Variants in NUP205 observed in about 807,000 individuals in gnomAD.
NUP205 encodes nucleoporin 205.
Under a neutral mutation model 253.8 loss-of-function variants are expected in NUP205, and 76 were observed. The observed-to-expected ratio is 0.30, with a 90% CI of 0.25 to 0.36. The LOEUF (loss-of-function observed/expected upper bound fraction) is 0.36. NUP205 is among the 10% of genes least tolerant of loss of function. The probability of loss-of-function intolerance (pLI) is 1.00; values close to 1 mark genes in which losing one functional copy is unlikely to be tolerated. For missense variants in NUP205, 2,162 were observed against 2,425.5 expected (o/e 0.89, Z 2.28); for synonymous variants, 832 against 850.1 (o/e 0.98, Z 0.37).
chr7:135,645,838 TAGG>T, intron 41 of NUP205: 2 of 576,424 alleles, frequency 3.5e-6, no homozygotes, highest in East Asian at 5.7e-5. Flanking sequence ...TTGCTGCAGT[TAGG>T]GGGCTGATCC....
chr7:135,558,990 A>G (rs1805508151), intron 1 of NUP205, among the ~76,000 whole-genome samples: 1 of 152,238 alleles, frequency 6.6e-6, no homozygotes, highest in South Asian at 2.1e-4. Context: ...ATAAATTATA[A>G]TGAAGGCTAT....
intron 15 of NUP205, among the ~76,000 whole-genome samples, chr7:135,599,195 A>G (rs1392566794): frequency 1.3e-5 from 2 of 152,114 alleles, no homozygotes; most frequent in Non-Finnish European, 2.9e-5. Flanking sequence ...TTTGTCACTT[A>G]GCATCATGGG....
rs1304060504 is a variant in NUP205, at chr7:135,648,386, CTT to C, written c.5887-15_5887-14del. ...TGAGACAACAATTTTAACAAAATGT[CTT>C]TTGTGTCACCGCTAGCTTCAGGCTG... is the stretch of plus-strand genomic sequence containing the variant. On this transcript the variant is annotated splice_polypyrimidine_tract_variant and intron_variant, in intron 42 of 42. Coordinates refer to ENST00000285968, the MANE Select transcript of NUP205 (RefSeq NM_015135.3). 2 of 1,531,124 alleles carry C rather than the reference CTT, an allele frequency of 1.3e-6. No homozygotes were observed. The highest frequency in any genetic ancestry group is 2.4e-5 in the Admixed American group (1 of 42,156). The allele number at this position is 1,531,124 out of a possible 1,614,324, so 94.8% of individuals were successfully genotyped here.
Position 135,589,392 on chromosome 7 carries a change from G to A in NUP205, c.1473+1400G>A, listed in dbSNP as rs145258821. On this transcript the variant is annotated intron_variant, in intron 10 of 42. Coordinates refer to ENST00000285968, the MANE Select transcript of NUP205 (RefSeq NM_015135.3). ...CCTCCTCTGCCTCCCAGATTCAAGC[G>A]ATTCTCCTGTCTCAGCCTCCCGAAT... is the stretch of plus-strand genomic sequence containing the variant. Among the ~76,000 whole-genome samples, 287 of 150,640 alleles carry A rather than the reference G, an allele frequency of 1.9e-3. 7 individuals are homozygous for A. Among genetic ancestry groups the A allele is most frequent in the African/African-American group, 6.5e-3 (267 of 40,952 alleles).
chr7:135,562,705 A>G (rs919217523), intron 1 of NUP205, among the ~76,000 whole-genome samples: 3 of 151,584 alleles, frequency 2.0e-5, no homozygotes, highest in Non-Finnish European at 4.4e-5. Flanking sequence ...GCGCCACCAC[A>G]CCCAGCTAAT....
intron 12 of NUP205, 35 bp downstream of exon 12, chr7:135,593,227 A>G (rs1806679149): frequency 6.4e-7 from 1 of 1,564,538 alleles, no homozygotes; most frequent in Non-Finnish European, 8.8e-7. Context: ...TTTTATTTTT[A>G]TTATAGCACA....
chr7:135,597,483 A>G (rs548703405), intron 14 of NUP205, 65 bp downstream of exon 14: 164 of 972,150 alleles, frequency 1.7e-4, no homozygotes, highest in Admixed American at 1.2e-3. Flanking sequence ...AAGTCTATGA[A>G]TCATTCTTAC....
chr7:135,589,760 T>C (rs1806573610), intron 10 of NUP205, among the ~76,000 whole-genome samples: 2 of 151,258 alleles, frequency 1.3e-5, no homozygotes, highest in South Asian at 4.2e-4. Context: ...GTGAACCCTG[T>C]CTCTACAAAA....
At chr7:135,563,554 C>T (rs891793130) in intron 1 of NUP205, among the ~76,000 whole-genome samples, 2 of 152,084 alleles carry the variant, frequency 1.3e-5, no homozygotes, top group Non-Finnish European at 2.9e-5. Context: ...TTACCAATAC[C>T]TCACACATGG....
intron 35 of NUP205, among the ~76,000 whole-genome samples, chr7:135,634,053 T>C (rs1382989436): frequency 6.6e-6 from 1 of 152,172 alleles, no homozygotes; most frequent in African/African-American, 2.4e-5. Context: ...ACAAATCTTA[T>C]CAGCAGATTT....
At chr7:135,629,278 T>C (rs944056304) in intron 34 of NUP205, among the ~76,000 whole-genome samples, 1 of 152,196 alleles carries the variant, frequency 6.6e-6, no homozygotes, top group Non-Finnish European at 1.5e-5. Context: ...GTGTACATTA[T>C]AAAATGCCAA....
chr7:135,559,837 G>A (rs1364454941), intron 1 of NUP205, among the ~76,000 whole-genome samples: 2 of 151,784 alleles, frequency 1.3e-5, no homozygotes, highest in African/African-American at 4.8e-5. Context: ...GATTACAGGC[G>A]CCCGCCACCA....
intron 26 of NUP205, 140 bp from the exon 27 acceptor site, chr7:135,617,462 A>G (rs1794385409): frequency 2.8e-6 from 2 of 720,624 alleles, no homozygotes; most frequent in South Asian, 3.9e-5. Flanking sequence ...TGGTCTGGAA[A>G]TTGGACAGTG....
intron 36 of NUP205, among the ~76,000 whole-genome samples, chr7:135,636,928 C>T (rs1490920976): frequency 1.3e-5 from 2 of 152,096 alleles, no homozygotes; most frequent in Admixed American, 6.6e-5. Flanking sequence ...ATTACTTGAA[C>T]CTAGGAGGCA....
chr7:135,609,465 G>A (rs1429783506), intron 22 of NUP205, among the ~76,000 whole-genome samples: 2 of 150,330 alleles, frequency 1.3e-5, no homozygotes, highest in Non-Finnish European at 3.0e-5. Flanking sequence ...GCGACAGAGC[G>A]AAACTCTGTC....
intron 35 of NUP205, among the ~76,000 whole-genome samples, chr7:135,633,912 G>A (rs1051304260): frequency 6.6e-6 from 1 of 152,152 alleles, no homozygotes; most frequent in African/African-American, 2.4e-5. Flanking sequence ...GTACAGTTCA[G>A]CCCTGTATTA....
intron 10 of NUP205, among the ~76,000 whole-genome samples, chr7:135,591,220 A>AT (rs1410726137): frequency 1.3e-5 from 2 of 152,036 alleles, no homozygotes; most frequent in Non-Finnish European, 2.9e-5. Flanking sequence ...ACATTGAGAT[A>AT]TTTTTTTAAA....
At chr7:135,559,962 G>A (rs6467594) in intron 1 of NUP205, among the ~76,000 whole-genome samples, 72,998 of 151,210 alleles carry the variant, frequency 0.48, 18,440 homozygotes, top group Middle Eastern at 0.65. Flanking sequence ...GGGTTCAAGC[G>A]ATTCCCCTGC....
At chr7:135,615,676 CTT>C (rs1186663649) in intron 23 of NUP205, among the ~76,000 whole-genome samples, 1 of 152,114 alleles carries the variant, frequency 6.6e-6, no homozygotes, top group Non-Finnish European at 1.5e-5. Context: ...ACTTGATTCT[CTT>C]TTACTCTTCA....
Sources: gnomAD v4.1 joint callset for allele counts (sites outside exome capture counted in the v4.1 genomes callset) on GRCh38, gnomAD v4.1.1 for gene constraint, MANE v1.5 for transcripts, NCBI Gene and HGNC (gene_info 2026-07-23, HGNC 2026-07-21) for gene names.